Variants in HPS4 observed in about 807,000 individuals in gnomAD.
HPS4 encodes HPS4 biogenesis of lysosomal organelles complex 3 subunit 2.
In HPS4, 44 loss-of-function variants were observed where a neutral mutation model predicts 70.3. The ratio of observed to expected loss-of-function variants is 0.63; its 90% confidence interval spans 0.49 to 0.80. HPS4 has a LOEUF of 0.80. HPS4 is among the 30% of genes least tolerant of loss of function. HPS4 has a pLI of 0.00. For synonymous variants in HPS4, 377 were observed against 355.9 expected, an observed-to-expected ratio of 1.06 and a Z score of -0.67; for missense variants, 873 against 884.4, an observed-to-expected ratio of 0.99 and a Z score of 0.16.
intron 4 of HPS4, 106 bp from the exon 5 acceptor site, chr22:26,473,045 G>A (rs1403341677): frequency 1.0e-5 from 9 of 900,174 alleles, no homozygotes; most frequent in South Asian, 1.4e-5. Context: ...CTGGCCCATC[G>A]AAATTGATCT....
chr22:26,455,728 T>A (rs1043346001), intron 13 of HPS4, among the ~76,000 whole-genome samples: 4 of 151,334 alleles, frequency 2.6e-5, no homozygotes, highest in Non-Finnish European at 5.9e-5. Flanking sequence ...CTAAAACTTA[T>A]AATAATAATA....
At chr22:26,447,838 C>G (rs1261876465), downstream of HPS4, among the ~76,000 whole-genome samples, 1 of 152,262 alleles carries the variant, frequency 6.6e-6, no homozygotes, top group South Asian at 2.1e-4. Context: ...TTGCTTCTAA[C>G]TTCTGGGTAC....
chr22:26,476,596 T>C (rs1289476297), intron 4 of HPS4: 1 of 197,920 alleles, frequency 5.1e-6, no homozygotes, highest in Non-Finnish European at 1.1e-5. Context: ...AATATTCTTT[T>C]TTTTTTTTTA....
rs376253108 is a variant in HPS4 at position 26,464,528 on chromosome 22, C to T, written c.1102G>A (p.Asp368Asn). Residue 368 changes from aspartate (D) to asparagine (N), a missense_variant, in exon 11 of 14, where the codon GAC (aspartate) becomes AAC (asparagine). Transcript: ENST00000398145. ...KELVFLQEELDLSEIHIPEAQ... is the reference protein window; with the variant it reads ...KELVFLQEELNLSEIHIPEAQ... ...TCTGGAATGTGGATTTCAGACAAGT[C>T]GAGTTCTTCTTGGAGAAAGACTAGT... 6.8e-6 allele frequency: 11 copies of T among 1,614,038 alleles called. No homozygotes were observed. Among genetic ancestry groups the T allele is most frequent in the African/African-American group, 1.3e-5 (1 of 74,910 alleles).
chr22:26,476,916 T>G, intron 4 of HPS4, 77 bp downstream of exon 4: 1 of 1,522,916 alleles, frequency 6.6e-7, no homozygotes, highest in Non-Finnish European at 9.1e-7. Flanking sequence ...TAATTCTAAA[T>G]TCAAGACTCA....
downstream of HPS4, chr22:26,443,316 A>G (rs2084870630): frequency 2.3e-6 from 2 of 851,122 alleles, no homozygotes; most frequent in Admixed American, 2.2e-5. Flanking sequence ...AACCTGCCTC[A>G]GCGGAAAGCT....
chr22:26,470,837 G>A (rs899198005), intron 6 of HPS4, 24 bp from the exon 7 acceptor site: 2 of 1,613,916 alleles, frequency 1.2e-6, no homozygotes, highest in Non-Finnish European at 1.7e-6. Context: ...GAGGCATCAT[G>A]CCCACCCATC....
At chr22:26,445,317 G>C (rs570029253) in intron 3 of HPS4, among the ~76,000 whole-genome samples, 1 of 152,208 alleles carries the variant, frequency 6.6e-6, no homozygotes, top group South Asian at 2.1e-4. Flanking sequence ...CAAGACGACA[G>C]AACAAGACCC....
chr22:26,481,835 G>T lies in HPS4; in HGVS notation c.-73C>A. The T allele has an allele frequency of 2.1e-6, 3 of 1,442,276 alleles. No homozygotes were observed. The highest frequency in any genetic ancestry group is 2.3e-5 in the South Asian group (2 of 87,324). 89.3% of individuals were successfully genotyped at this position (1,442,276 alleles called of 1,614,324 possible). A position where few individuals can be genotyped will look rare whatever the true frequency, so the allele number is the denominator to read the frequency against. On this transcript the variant is annotated 5_prime_UTR_variant, in exon 2 of 14. Transcript: ENST00000398145. ...GTATCACTTCTTTCTCCCTAGCTGT[G>T]ACCGTTCCTCTATCCCCCAATCCAG...
intron 3 of HPS4, among the ~76,000 whole-genome samples, chr22:26,478,122 T>C (rs753852566): frequency 1.3e-5 from 2 of 152,204 alleles, no homozygotes; most frequent in Non-Finnish European, 2.9e-5. Context: ...TTACTGTTAC[T>C]AATTACTGTA....
In HPS4 at chr22:26,472,822, A is replaced by G. The variant is rs866514497; in HGVS notation, c.384+10T>C. ...GCCCAATGTAAGACTCCTCAACCCCATACTTGTACCTCATAAGCTAGGGAA... is the reference window on the plus strand; with the variant it reads ...GCCCAATGTAAGACTCCTCAACCCCGTACTTGTACCTCATAAGCTAGGGAA... On this transcript the variant is annotated intron_variant, in intron 5 of 13. Transcript: ENST00000398145. 6.2e-7 allele frequency: 1 copy of G among 1,601,664 alleles called. No homozygotes were observed. The highest frequency in any genetic ancestry group is 8.6e-7 in the Non-Finnish European group (1 of 1,168,688).
downstream of HPS4, chr22:26,443,991 C>T (rs117704397): frequency 9.5e-3 from 1,449 of 152,344 alleles, 9 homozygotes; most frequent in Middle Eastern, 0.017. Context: ...ACGTGTGATC[C>T]GCTTACCTCA....
At chr22:26,467,262 C>G (rs1206656729) in intron 8 of HPS4, 1 of 152,214 alleles carries the variant, frequency 6.6e-6, no homozygotes, top group Non-Finnish European at 1.5e-5. Flanking sequence ...GTGCAAAAGA[C>G]AAGACAGTAA....
Position 26,477,093 on chromosome 22 carries a change from C to G in HPS4, c.176G>C (p.Gly59Ala). The G allele has an allele frequency of 6.2e-7, 1 of 1,614,122 alleles. No homozygotes were observed. The highest frequency in any genetic ancestry group is 8.5e-7 in the Non-Finnish European group (1 of 1,179,998). The change falls in exon 4 of 14, where the codon GGA becomes GCA. Residue 59 changes from glycine (G) to alanine (A), a missense_variant. By Grantham distance (60) the Gly-to-Ala change is moderately conservative. Coordinates refer to ENST00000398145, the MANE Select transcript of HPS4 (RefSeq NM_022081.6). ...QQELLCGQIAGVVRCVSDISD... is the reference protein window; with the variant it reads ...QQELLCGQIAAVVRCVSDISD... ...AATGTCAGAAACACAGCGGACAACT[C>G]CAGCAATCTGTCCACAAAGCAACTC...
At chr22:26,457,785 G>T (rs1169540337) in intron 13 of HPS4, 74 bp downstream of exon 13, 7 of 1,100,802 alleles carry the variant, frequency 6.4e-6, no homozygotes, top group Non-Finnish European at 8.4e-6. Flanking sequence ...ATAAGGCGCT[G>T]CCTGGGCCCC....
At position 26,465,451 on chromosome 22, in the gene HPS4, T is replaced by C. The variant is rs1376120681; in HGVS notation, c.803+4A>G. 1 of 1,604,856 alleles carries C rather than the reference T, an allele frequency of 6.2e-7. No homozygotes were observed. Among genetic ancestry groups the C allele is most frequent in the East Asian group, 2.2e-5 (1 of 44,860 alleles). On this transcript the variant is annotated splice_donor_region_variant and intron_variant, in intron 10 of 13. Coordinates refer to ENST00000398145, the MANE Select transcript of HPS4 (RefSeq NM_022081.6). ...CAAGGTTAACTCTCTGTGCACTCCATTACCTTGTCATCTGTTCCACCGGGA... is the reference window on the plus strand; with the variant it reads ...CAAGGTTAACTCTCTGTGCACTCCACTACCTTGTCATCTGTTCCACCGGGA...
At position 26,464,216 on chromosome 22, in the gene HPS4, G is replaced by A. The variant is rs764860798; in HGVS notation, c.1414C>T (p.Pro472Ser). The A allele has an allele frequency of 4.3e-6, 7 of 1,614,112 alleles. No individual in the cohort carries two copies. Among genetic ancestry groups the A allele is most frequent in the Non-Finnish European group, 5.9e-6 (7 of 1,180,060 alleles). ...PRRTRRPLLL[P>S]RLDPGQRGNK... ...CCTCTCTGTCCTGGATCTAAGCGAG[G>A]CAATAACAAGGGCCTGCGGGTCCTT... Residue 472 changes from proline to serine, a missense_variant, in exon 11 of 14, where the codon CCT becomes TCT. Coordinates refer to ENST00000398145, the MANE Select transcript of HPS4 (RefSeq NM_022081.6).
intron 1 of HPS4, chr22:26,482,604 T>A (rs2091400693): frequency 6.6e-6 from 1 of 152,138 alleles, no homozygotes; most frequent in Admixed American, 6.5e-5. Flanking sequence ...AGGGCAAATT[T>A]CTAAAAAATG....
Position 26,452,023 on chromosome 22 carries a change from C to CAT in HPS4, c.*1209_*1210insAT. 1 of 283,634 alleles carries CAT rather than the reference C, an allele frequency of 3.5e-6. No homozygotes were observed. The highest frequency in any genetic ancestry group is 6.9e-6 in the Non-Finnish European group (1 of 145,496). The allele number at this position is 283,634 out of a possible 1,614,324, so 17.6% of individuals were successfully genotyped here. ...GCGCGCGCACACACACACACACACA[C>CAT]ACACACACACACACACACACTGTCT... is the stretch of plus-strand genomic sequence containing the variant. On this transcript the variant is annotated 3_prime_UTR_variant, in exon 14 of 14. Transcript: ENST00000398145.
Sources: gnomAD v4.1 joint callset for allele counts (sites outside exome capture counted in the v4.1 genomes callset) on GRCh38, gnomAD v4.1.1 for gene constraint, MANE v1.5 for transcripts, NCBI Gene and HGNC (gene_info 2026-07-23, HGNC 2026-07-21) for gene names.